Variants in ARL5C observed in about 807,000 individuals in gnomAD.
ARL5C encodes ARF like GTPase 5C.
ARL5C carries 21 observed loss-of-function variants against 20.8 expected under a neutral mutation model. That is an observed-to-expected ratio of 1.01 (90% CI 0.72 to 1.46). ARL5C has a LOEUF of 1.46. Among genes scored for constraint, ARL5C ranks in the 40% most tolerant of loss-of-function variants. ARL5C has a pLI of 0.00. For synonymous variants in ARL5C, 71 were observed against 81.6 expected, an observed-to-expected ratio of 0.87 and a Z score of 0.70; for missense variants, 199 against 225.1, an observed-to-expected ratio of 0.88 and a Z score of 0.74.
Position 39,160,755 on chromosome 17 carries a change from G to A in ARL5C, c.340-13C>T, listed in dbSNP as rs562711416. 107 of 1,550,512 alleles carry A rather than the reference G, an allele frequency of 6.9e-5. No individual in the cohort carries two copies. The Admixed American group carries it at 7.8e-4, about 11-fold the overall frequency. On this transcript the variant is annotated splice_polypyrimidine_tract_variant and intron_variant, in intron 4 of 5. Coordinates refer to ENST00000269586, the MANE Select transcript of ARL5C (RefSeq NM_001143968.1). ...CATCCTGTAGAGCCTGTGGACAGAG[G>A]AGCCCAGCCCCAGTCAGCCTGCTAG...
intron 3 of ARL5C, 79 bp from the exon 4 acceptor site, chr17:39,161,430 G>A: frequency 7.8e-7 from 1 of 1,285,602 alleles, no homozygotes; most frequent in Non-Finnish European, 1.1e-6. Context: ...TTTCCCCACT[G>A]GTCTCTGCAC....
intron 4 of ARL5C, 98 bp from the exon 5 acceptor site, chr17:39,160,840 CA>C: frequency 7.0e-7 from 1 of 1,429,092 alleles, no homozygotes; most frequent in Non-Finnish European, 9.3e-7. Flanking sequence ...CCAGCTGTCC[CA>C]GGAAGAGAGG....
intron 5 of ARL5C, among the ~76,000 whole-genome samples, chr17:39,157,622 T>C (rs1159129440): frequency 6.6e-6 from 1 of 151,374 alleles, no homozygotes; most frequent in Non-Finnish European, 1.5e-5. Context: ...AAAGCCCGTC[T>C]CTACTAGAAA....
intron 4 of ARL5C, 51 bp downstream of exon 4, chr17:39,161,217 A>G: frequency 1.3e-6 from 2 of 1,499,118 alleles, no homozygotes; most frequent in Non-Finnish European, 1.8e-6. Context: ...GACCAGCCTG[A>G]GGGCACACAG....
chr17:39,158,648 C>G (rs1032096057), intron 5 of ARL5C, among the ~76,000 whole-genome samples: 1 of 151,654 alleles, frequency 6.6e-6, no homozygotes, highest in Non-Finnish European at 1.5e-5. Context: ...GTGTGCCCAG[C>G]CTGCCATGAT....
chr17:39,163,388 T>TTCTTTCTC (rs1247367168), intron 2 of ARL5C, among the ~76,000 whole-genome samples: 3 of 138,158 alleles, frequency 2.2e-5, no homozygotes, highest in South Asian at 2.1e-4. Context: ...CTTTCTTTCT[T>TTCTTTCTC]TCTTTCTCTC....
At chr17:39,158,838 T>C (rs2045419586) in intron 5 of ARL5C, among the ~76,000 whole-genome samples, 1 of 151,872 alleles carries the variant, frequency 6.6e-6, no homozygotes, top group Non-Finnish European at 1.5e-5. Flanking sequence ...CTCTCCCTTT[T>C]CTTTTCTTTG....
chr17:39,163,394 C>CTTTCTTTCTTTCTTTCTTTCTT (rs778704422), intron 2 of ARL5C, among the ~76,000 whole-genome samples: 1 of 147,514 alleles, frequency 6.8e-6, no homozygotes. Context: ...TTCTTTCTTT[C>CTTTCTTTCTTTCTTTCTTTCTT]TCTCTTTCTT....
In ARL5C at chr17:39,162,826, G is replaced by A. The variant is rs1449916640; in HGVS notation, c.140C>T (p.Thr47Ile). The A allele has an allele frequency of 1.9e-6, 3 of 1,551,122 alleles. No homozygotes were observed. Among genetic ancestry groups the A allele is most frequent in the Non-Finnish European group, 8.7e-7 (1 of 1,146,992 alleles). Residue 47 changes from threonine (T) to isoleucine (I), a missense_variant, in exon 3 of 6, where the codon ACC becomes ATC. By Grantham distance (89) the Thr-to-Ile change is moderately conservative. Coordinates refer to ENST00000269586, the MANE Select transcript of ARL5C (RefSeq NM_001143968.1). ...LTNEVVHMCP[T>I]IGSNVEEIIL... ...GATCTCCTCCACGTTGCTGCCAATG[G>A]TGGGACACATATGGACCACCTCATT...
chr17:39,160,554 G>T, intron 5 of ARL5C, 37 bp downstream of exon 5: 1 of 1,548,586 alleles, frequency 6.5e-7, no homozygotes, highest in Middle Eastern at 1.7e-4. Context: ...CATTGGTTCA[G>T]CCAGGCCCTA....
In ARL5C at chr17:39,157,714, C is replaced by T. The variant is rs1351407469; in HGVS notation, c.492-772G>A. 4.0e-5 allele frequency among the ~76,000 whole-genome samples: 6 copies of T among 150,694 alleles called. No homozygotes were observed. The East Asian group carries it at 5.9e-4, about 15-fold the overall frequency. On this transcript the variant is annotated intron_variant, in intron 5 of 5. Transcript: ENST00000269586. ...CTGAGGCAGGAGAATCCCTTGAACC[C>T]GGGAGACGGAGGTTGCAGTGAGCTG...
intron 1 of ARL5C, 107 bp downstream of exon 1, chr17:39,165,608 C>A (rs2045459010): frequency 2.1e-6 from 3 of 1,419,270 alleles, no homozygotes; most frequent in South Asian, 2.5e-5. Context: ...CGCCCATATA[C>A]GACCCTCGGA....
At chr17:39,159,623 T>C (rs774556781) in intron 5 of ARL5C, among the ~76,000 whole-genome samples, 3 of 152,102 alleles carry the variant, frequency 2.0e-5, no homozygotes, top group Non-Finnish European at 4.4e-5. Context: ...CTATATATTT[T>C]TCTTGTTTAT....
chr17:39,161,163 C>T (rs2045432703), intron 4 of ARL5C, 105 bp downstream of exon 4: 1 of 1,121,554 alleles, frequency 8.9e-7, no homozygotes, highest in Admixed American at 2.0e-5. Flanking sequence ...TATAGAGGCT[C>T]TCAGAAACTG....
intron 5 of ARL5C, among the ~76,000 whole-genome samples, chr17:39,157,795 A>G (rs2045412935): frequency 7.1e-6 from 1 of 140,190 alleles, no homozygotes; most frequent in Admixed American, 7.2e-5. Context: ...CACTCAAAAA[A>G]AAAAAAAGAA....
chr17:39,160,736 G>C lies in ARL5C; in HGVS notation c.346C>G (p.Gln116Glu), dbSNP rs2045430132. The C allele has an allele frequency of 5.2e-6, 8 of 1,551,220 alleles. No individual in the cohort carries two copies. Among genetic ancestry groups the C allele is most frequent in the Non-Finnish European group, 6.1e-6 (7 of 1,146,968 alleles). The change falls in exon 5 of 6, where the codon CAG becomes GAG. Residue 116 changes from glutamine (Q) to glutamate (E), a missense_variant. Gln to Glu is a conservative substitution (Grantham distance 29). Coordinates refer to ENST00000269586, the MANE Select transcript of ARL5C (RefSeq NM_001143968.1). Reference sequence around the variant, plus strand: ...GCAAATATCAGGACTGAAGCATCCTGTAGAGCCTGTGGACAGAGGAGCCCA... The same window carrying C: ...GCAAATATCAGGACTGAAGCATCCTCTAGAGCCTGTGGACAGAGGAGCCCA... ...LYKMLAHEAL[Q>E]DASVLIFANK...
At chr17:39,164,165 C>T (rs897631893) in intron 2 of ARL5C, 1 of 151,942 alleles carries the variant, frequency 6.6e-6, no homozygotes, top group Non-Finnish European at 1.5e-5. Flanking sequence ...CTCAGGTGAT[C>T]CGCCCGCCTC....
At chr17:39,157,871 A>G in intron 5 of ARL5C, among the ~76,000 whole-genome samples, 1 of 151,418 alleles carries the variant, frequency 6.6e-6, no homozygotes, top group Non-Finnish European at 1.5e-5. Flanking sequence ...AGGCGGGCGG[A>G]TCATGAGGTC....
chr17:39,165,316 G>A (rs2045457390), intron 1 of ARL5C, 177 bp from the exon 2 acceptor site: 1 of 640,246 alleles, frequency 1.6e-6, no homozygotes, highest in Admixed American at 2.7e-5. Context: ...CGGGACGGTG[G>A]AAAAGACAGC....
Sources: gnomAD v4.1 joint callset for allele counts (sites outside exome capture counted in the v4.1 genomes callset) on GRCh38, gnomAD v4.1.1 for gene constraint, MANE v1.5 for transcripts, NCBI Gene and HGNC (gene_info 2026-07-23, HGNC 2026-07-21) for gene names.